ITGB5: variants seen among roughly 807,000 people sequenced by gnomAD.
The protein encoded by ITGB5 is integrin beta-5.
In ITGB5, 38 loss-of-function variants were observed where a neutral mutation model predicts 84.8. The ratio of observed to expected loss-of-function variants is 0.45; its 90% CI spans 0.35 to 0.59. The LOEUF (loss-of-function observed/expected upper bound fraction) is 0.59. Ranked by LOEUF, ITGB5 falls within the 20% of genes least tolerant of loss-of-function variation. The probability of loss-of-function intolerance (pLI) is 0.01; values close to 1 mark genes in which losing one functional copy is unlikely to be tolerated. For missense variants in ITGB5, 905 were observed against 1,034.5 expected (o/e 0.87, Z 1.72); for synonymous variants, 393 against 414.4 (o/e 0.95, Z 0.63).
intron 11 of ITGB5, among the ~76,000 whole-genome samples, chr3:124,772,911 C>CTTTTTTTT (rs35802279): frequency 7.9e-6 from 1 of 127,326 alleles, no homozygotes. Flanking sequence ...CTCCAATTTA[C>CTTTTTTTT]TTTTTTTTTT....
chr3:124,763,655 ACTT>A lies in ITGB5; in HGVS notation c.2365_2367del (p.Lys789del). The A allele has an allele frequency of 8.0e-7, 1 of 1,249,722 alleles. No individual in the cohort carries two copies. The highest frequency in any genetic ancestry group is 1.1e-6 in the Non-Finnish European group (1 of 897,014). 77.4% of individuals were successfully genotyped at this position (1,249,722 alleles called of 1,614,324 possible). Reference sequence around the variant, plus strand: ...ACAGTGCCATTGTAGGATTTGTTGAACTTGTTGAAGGTGAAGTCCACAGTGTGC... The same window carrying A: ...ACAGTGCCATTGTAGGATTTGTTGAAGTTGAAGGTGAAGTCCACAGTGTGC... On this transcript the variant is annotated inframe_deletion, in exon 15 of 15. Coordinates refer to ENST00000296181, the MANE Select transcript of ITGB5 (RefSeq NM_002213.5).
intron 9 of ITGB5, among the ~76,000 whole-genome samples, chr3:124,801,025 C>G (rs997330010): frequency 6.6e-6 from 1 of 152,268 alleles, no homozygotes; most frequent in East Asian, 1.9e-4. Flanking sequence ...GCCCAGCCCC[C>G]ACCCTGAACC....
chr3:124,871,854 TAATA>T (rs140275514), intron 2 of ITGB5, among the ~76,000 whole-genome samples: 28,538 of 149,438 alleles, frequency 0.19, 2,732 homozygotes, highest in Admixed American at 0.22. Context: ...TAAAAATAAA[TAATA>T]AATAAATAAA....
chr3:124,890,479 A>T (rs895753354), upstream of ITGB5, among the ~76,000 whole-genome samples: 42 of 152,084 alleles, frequency 2.8e-4, no homozygotes, highest in African/African-American at 9.7e-4. Flanking sequence ...TGCTGGGGGC[A>T]TGAGCCACCG....
intron 2 of ITGB5, among the ~76,000 whole-genome samples, chr3:124,864,292 G>C (rs11706982): frequency 0.16 from 23,739 of 151,360 alleles, 1,960 homozygotes; most frequent in South Asian, 0.21. Context: ...ATTTTTAGTA[G>C]AGACAGGGTT....
chr3:124,818,884 A>G (rs1416761547), intron 7 of ITGB5, among the ~76,000 whole-genome samples: 1 of 152,186 alleles, frequency 6.6e-6, no homozygotes, highest in Non-Finnish European at 1.5e-5. Context: ...AAGAGCAAGA[A>G]GGAGAGGGAA....
At chr3:124,864,685 G>A (rs1399803253) in intron 2 of ITGB5, among the ~76,000 whole-genome samples, 3 of 151,806 alleles carry the variant, frequency 2.0e-5, no homozygotes, top group African/African-American at 4.8e-5. Flanking sequence ...TCACTACTTA[G>A]AGTGCAATAT....
At chr3:124,898,344 C>G (rs867969215) in intron 1 of ITGB5, among the ~76,000 whole-genome samples, 5 of 151,750 alleles carry the variant, frequency 3.3e-5, no homozygotes, top group Middle Eastern at 3.2e-3. Flanking sequence ...AGTTAATTCT[C>G]TTCATTAAGA....
In ITGB5 at chr3:124,764,449, T is replaced by C; in HGVS notation, c.2246A>G (p.His749Arg). Reference sequence around the variant, plus strand: ...AAACTTTGCAAACTCCCTCCGGTCGTGGATGGTGACAAGCAGCTTCCAGAT... The same window carrying C: ...AAACTTTGCAAACTCCCTCCGGTCGCGGATGGTGACAAGCAGCTTCCAGAT... ...LAIWKLLVTIHDRREFAKFQS... is the reference protein window; with the variant it reads ...LAIWKLLVTIRDRREFAKFQS... The change falls in exon 14 of 15, where the codon CAC becomes CGC. Residue 749 changes from histidine (H) to arginine (R), a missense_variant. His to Arg is a conservative substitution (Grantham distance 29). Around this residue, in one of 3 missense-constraint regions of ITGB5, gnomAD observed 133 missense variants for 122.8 expected, o/e 1.08. Transcript: ENST00000296181. 6.2e-7 allele frequency: 1 copy of C among 1,613,970 alleles called. No homozygotes were observed. Among genetic ancestry groups the C allele is most frequent in the African/African-American group, 1.3e-5 (1 of 75,000 alleles).
At chr3:124,779,229 C>T (rs553160465) in intron 10 of ITGB5, among the ~76,000 whole-genome samples, 161 of 150,874 alleles carry the variant, frequency 1.1e-3, no homozygotes, top group African/African-American at 1.6e-3. Flanking sequence ...GGGCAGAGGG[C>T]GAGAGTGTGA....
At chr3:124,822,724 A>G (rs2064726052) in intron 5 of ITGB5, among the ~76,000 whole-genome samples, 1 of 152,240 alleles carries the variant, frequency 6.6e-6, no homozygotes, top group African/African-American at 2.4e-5. Flanking sequence ...TTCATCCAGC[A>G]TTCAATCACT....
At chr3:124,817,836 C>T in intron 7 of ITGB5, 126 bp from the exon 8 acceptor site, 1 of 607,404 alleles carries the variant, frequency 1.6e-6, no homozygotes, top group South Asian at 2.1e-5. Context: ...CTTCTCCCAC[C>T]ATGAACTAAA....
At chr3:124,774,808 T>TAACA (rs932238696) in intron 10 of ITGB5, among the ~76,000 whole-genome samples, 4 of 152,180 alleles carry the variant, frequency 2.6e-5, no homozygotes, top group African/African-American at 4.8e-5. Context: ...CAGCAGCAGC[T>TAACA]AACACTCACC....
At chr3:124,783,567 T>G (rs1341988156) in intron 10 of ITGB5, among the ~76,000 whole-genome samples, 1 of 152,100 alleles carries the variant, frequency 6.6e-6, no homozygotes, top group Non-Finnish European at 1.5e-5. Flanking sequence ...GTTGACAATA[T>G]CACCAGGACA....
intron 9 of ITGB5, among the ~76,000 whole-genome samples, chr3:124,802,450 G>A (rs1442017653): frequency 6.6e-6 from 1 of 152,164 alleles, no homozygotes; most frequent in Non-Finnish European, 1.5e-5. Context: ...AGCTGTAAGT[G>A]CACCCCTTCT....
At chr3:124,837,235 G>A (rs925017439) in intron 5 of ITGB5, among the ~76,000 whole-genome samples, 1 of 152,198 alleles carries the variant, frequency 6.6e-6, no homozygotes, top group African/African-American at 2.4e-5. Flanking sequence ...GAGAGAAGAG[G>A]AAAGCAGCCA....
At chr3:124,801,143 G>A (rs79904944) in intron 9 of ITGB5, among the ~76,000 whole-genome samples, 3,704 of 152,256 alleles carry the variant, frequency 0.024, 168 homozygotes, top group African/African-American at 0.083. Context: ...GGACGGGAGC[G>A]GGGAGGGGGT....
intron 5 of ITGB5, among the ~76,000 whole-genome samples, chr3:124,840,233 A>G (rs938378133): frequency 3.9e-5 from 6 of 152,220 alleles, no homozygotes; most frequent in Non-Finnish European, 7.3e-5. Context: ...CTCTAGACTG[A>G]GTTCTAGCCT....
intron 9 of ITGB5, among the ~76,000 whole-genome samples, chr3:124,801,048 G>C (rs71323901): frequency 6.6e-6 from 1 of 152,180 alleles, no homozygotes; most frequent in Non-Finnish European, 1.5e-5. Context: ...CCAAATCCAG[G>C]GCTATCCTAT....
Sources: gnomAD v4.1 joint callset for allele counts (sites outside exome capture counted in the v4.1 genomes callset) on GRCh38, gnomAD v4.1.1 for gene constraint, gnomAD v4.1.1 regional missense constraint, MANE v1.5 for transcripts, NCBI Gene and HGNC (gene_info 2026-07-23, HGNC 2026-07-21) for gene names.